CDC42SE2: variants seen among roughly 807,000 people sequenced by gnomAD.
CDC42SE2 encodes CDC42 small effector protein 2.
A neutral mutation model predicts 11.5 loss-of-function variants in CDC42SE2; 3 were observed. The ratio of observed to expected loss-of-function variants is 0.26; its 90% CI spans 0.12 to 0.67. The LOEUF (loss-of-function observed/expected upper bound fraction) is 0.67. CDC42SE2 is among the 30% of genes least tolerant of loss of function. The pLI is 0.80. For missense variants in CDC42SE2, 82 were observed against 106.8 expected (o/e 0.77, Z 1.02); for synonymous variants, 33 against 34.8 (o/e 0.95, Z 0.18).
intron 1 of CDC42SE2, among the ~76,000 whole-genome samples, chr5:131,282,714 C>G (rs1209740038): frequency 6.6e-6 from 1 of 151,896 alleles, no homozygotes; most frequent in African/African-American, 2.4e-5. Flanking sequence ...CTGCAAGCTC[C>G]GCCTCCCGGG....
intron 3 of CDC42SE2, among the ~76,000 whole-genome samples, chr5:131,376,264 A>G (rs1005635388): frequency 6.6e-6 from 1 of 151,868 alleles, no homozygotes; most frequent in East Asian, 1.9e-4. Flanking sequence ...ACCTTTATTC[A>G]ATAGAGAGTA....
chr5:131,393,815 C>CTT lies in CDC42SE2; in HGVS notation c.*2725_*2726insTT, dbSNP rs1750750253. On this transcript the variant is annotated 3_prime_UTR_variant, in exon 5 of 5. Coordinates refer to ENST00000505065, the MANE Select transcript of CDC42SE2 (RefSeq NM_001375635.1). Reference sequence around the variant, plus strand: ...ATGATTTTAGTCTTTTTCCAAATCGCTGTTTTTTTTTTTTTTTTTTTTTTT... The same window carrying CTT: ...ATGATTTTAGTCTTTTTCCAAATCGCTTTGTTTTTTTTTTTTTTTTTTTTTTT... The CTT allele has an allele frequency of 7.0e-6, 1 of 142,612 alleles. No individual in the cohort carries two copies. Among genetic ancestry groups the CTT allele is most frequent in the African/African-American group, 2.7e-5 (1 of 37,068 alleles). 8.8% of individuals were successfully genotyped at this position (142,612 alleles called of 1,614,324 possible). A position where few individuals can be genotyped will look rare whatever the true frequency, so the allele number is the denominator to read the frequency against.
chr5:131,329,267 G>T (rs1758360989), intron 2 of CDC42SE2, among the ~76,000 whole-genome samples: 1 of 152,142 alleles, frequency 6.6e-6, no homozygotes, highest in Non-Finnish European at 1.5e-5. Flanking sequence ...TTTGCTTCAG[G>T]CTCCAGGTTA....
chr5:131,390,707 T>C (rs1358354415), intron 4 of CDC42SE2, among the ~76,000 whole-genome samples: 1 of 152,164 alleles, frequency 6.6e-6, no homozygotes, highest in East Asian at 1.9e-4. Flanking sequence ...CTATATATTT[T>C]TGACCATTTT....
At position 131,345,746 on chromosome 5, in the gene CDC42SE2, A is replaced by G. The variant is rs867245816; in HGVS notation, c.-285-13463A>G. 1.5e-4 allele frequency among the ~76,000 whole-genome samples: 23 copies of G among 152,358 alleles called. No individual in the cohort carries two copies. The Middle Eastern group carries it at 0.01, about 68-fold the overall frequency. ...AGGAAAAAATGTTAAGGGCAGCCAG[A>G]GAGAAAGGTCGGGTTACCCACAAAG... On this transcript the variant is annotated intron_variant, in intron 2 of 4. Transcript: ENST00000505065.
chr5:131,319,995 G>T (rs1758126916), intron 2 of CDC42SE2, among the ~76,000 whole-genome samples: 1 of 143,400 alleles, frequency 7.0e-6, no homozygotes, highest in Non-Finnish European at 1.5e-5. Flanking sequence ...AAGTTGCAGT[G>T]AGCGGAGATC....
intron 1 of CDC42SE2, among the ~76,000 whole-genome samples, chr5:131,296,022 T>C (rs1407683154): frequency 6.6e-6 from 1 of 152,192 alleles, no homozygotes; most frequent in Non-Finnish European, 1.5e-5. Context: ...TATGGGTATG[T>C]ACTATCTGGT....
chr5:131,229,776 A>G, the CDC42SE2 span, among the ~76,000 whole-genome samples: 3 of 152,174 alleles, frequency 2.0e-5, no homozygotes, highest in South Asian at 4.1e-4. Flanking sequence ...TCTATTAAGA[A>G]TACAAAAATT....
At chr5:131,226,101 GT>G in the CDC42SE2 span, among the ~76,000 whole-genome samples, 2 of 152,214 alleles carry the variant, frequency 1.3e-5, no homozygotes, top group Non-Finnish European at 2.9e-5. Context: ...AACTGGCCCT[GT>G]TTAATTGCCA....
chr5:131,337,341 A>G (rs554491598), intron 2 of CDC42SE2, among the ~76,000 whole-genome samples: 2 of 152,154 alleles, frequency 1.3e-5, no homozygotes, highest in African/African-American at 2.4e-5. Context: ...TTTGTCTCAG[A>G]GGAGTACCCG....
chr5:131,345,678 T>A (rs886885148), intron 2 of CDC42SE2, among the ~76,000 whole-genome samples: 12 of 151,656 alleles, frequency 7.9e-5, no homozygotes, highest in African/African-American at 2.4e-4. Flanking sequence ...AAGAAGAGCA[T>A]CTCCAAGACA....
In CDC42SE2 at chr5:131,305,582, C is replaced by T. The variant is rs572347043; in HGVS notation, c.-454-10394C>T. Among the ~76,000 whole-genome samples the T allele has an allele frequency of 8.5e-5, 13 of 152,186 alleles. No homozygotes were observed. In the South Asian group the frequency reaches 2.1e-3, roughly 24 times the overall value. ...TTCTTTTGAGAAATGTCTGTTGGGTCCTTTGCCCGTTTTTTGATTAAGTTG... is the reference window on the plus strand; with the variant it reads ...TTCTTTTGAGAAATGTCTGTTGGGTTCTTTGCCCGTTTTTTGATTAAGTTG... On this transcript the variant is annotated intron_variant, in intron 1 of 4. Transcript: ENST00000505065.
At chr5:131,234,318 GAGAT>G in the CDC42SE2 span, among the ~76,000 whole-genome samples, 4 of 152,066 alleles carry the variant, frequency 2.6e-5, no homozygotes, top group Non-Finnish European at 4.4e-5. Context: ...GAATCAATAG[GAGAT>G]AGATAGATAG....
chr5:131,282,714 C>T (rs1209740038), intron 1 of CDC42SE2, among the ~76,000 whole-genome samples: 2 of 151,896 alleles, frequency 1.3e-5, no homozygotes, highest in African/African-American at 2.4e-5. Context: ...CTGCAAGCTC[C>T]GCCTCCCGGG....
upstream of CDC42SE2, among the ~76,000 whole-genome samples, chr5:131,244,383 A>C (rs975771716): frequency 6.6e-6 from 1 of 152,190 alleles, no homozygotes; most frequent in African/African-American, 2.4e-5. Context: ...TGTAACTTCA[A>C]CTGCAGAAAA....
At chr5:131,292,906 C>CAAAAAAAAAAAAAAA (rs869300653) in intron 1 of CDC42SE2, among the ~76,000 whole-genome samples, 5 of 58,914 alleles carry the variant, frequency 8.5e-5, no homozygotes, top group African/African-American at 5.1e-4. Flanking sequence ...GACCCTGTCT[C>CAAAAAAAAAAAAAAA]AAAAAAAAAA....
chr5:131,353,999 G>C (rs1580774965), intron 2 of CDC42SE2, among the ~76,000 whole-genome samples: 5 of 152,216 alleles, frequency 3.3e-5, no homozygotes, highest in Admixed American at 3.3e-4. Context: ...CAGCATTTTG[G>C]GAGAAGGAGG....
At position 131,297,157 on chromosome 5, in the gene CDC42SE2, C is replaced by CT. The variant is rs5871416; in HGVS notation, c.-454-18803dup. On this transcript the variant is annotated intron_variant, in intron 1 of 4. Transcript: ENST00000505065. ...GACTTCAGATTAAATACTTTATATT[C>CT]TTTTTTTTTTTTTTTTGCATTTTTG... 8.6e-3 allele frequency among the ~76,000 whole-genome samples: 1,169 copies of CT among 136,582 alleles called. 6 individuals are homozygous for CT. The highest frequency in any genetic ancestry group is 0.022 in the African/African-American group (826 of 37,688). The allele number at this position is 136,582 out of a possible 152,430, so 89.6% of individuals were successfully genotyped here.
At chr5:131,232,294 TG>T in the CDC42SE2 span, among the ~76,000 whole-genome samples, 1 of 151,438 alleles carries the variant, frequency 6.6e-6, no homozygotes, top group Non-Finnish European at 1.5e-5. Context: ...TTGTGTTTTT[TG>T]TGGAGACGGG....
Sources: gnomAD v4.1 joint callset for allele counts (sites outside exome capture counted in the v4.1 genomes callset) on GRCh38, gnomAD v4.1.1 for gene constraint, MANE v1.5 for transcripts, NCBI Gene and HGNC (gene_info 2026-07-23, HGNC 2026-07-21) for gene names.